The following KMT2E variants were observed in gnomAD, a reference collection of about 807,000 sequenced individuals.
The protein encoded by KMT2E is histone reader KMT2E.
A neutral mutation model predicts 184.6 loss-of-function variants in KMT2E; 30 were observed. The ratio of observed to expected loss-of-function variants is 0.16; its 90% CI spans 0.12 to 0.22. The LOEUF is 0.22. KMT2E is among the 10% of genes least tolerant of loss of function. The pLI, the probability that KMT2E is intolerant of heterozygous loss-of-function variation, is 1.00. For synonymous variants in KMT2E, 815 were observed against 776.5 expected (o/e 1.05, Z -0.82); for missense variants, 2,023 against 2,237.4 (o/e 0.90, Z 1.93).
At chr7:105,080,689 G>A (rs554236598) in intron 12 of KMT2E, among the ~76,000 whole-genome samples, 1 of 152,318 alleles carries the variant, frequency 6.6e-6, no homozygotes, top group Non-Finnish European at 1.5e-5. Flanking sequence ...TAGAAAAGTA[G>A]CGTTTGCTCA....
At chr7:105,017,033 T>A (rs748828102) in intron 1 of KMT2E, among the ~76,000 whole-genome samples, 46 of 152,212 alleles carry the variant, frequency 3.0e-4, no homozygotes, top group Non-Finnish European at 5.7e-4. Context: ...AGTACTCATT[T>A]GTATTTTGAT....
At chr7:105,023,468 G>A (rs1254497912) in intron 1 of KMT2E, among the ~76,000 whole-genome samples, 1 of 138,232 alleles carries the variant, frequency 7.2e-6, no homozygotes, top group African/African-American at 2.8e-5. Context: ...TTTTTGAGAT[G>A]GAGTGTCGCT....
At position 105,109,046 on chromosome 7, in the gene KMT2E, C is replaced by T. The variant is rs1375245473; in HGVS notation, c.3573C>T (p.Ser1191=). 1 of 1,614,054 alleles carries T rather than the reference C, an allele frequency of 6.2e-7. No individual in the cohort carries two copies. The highest frequency in any genetic ancestry group is 1.3e-5 in the African/African-American group (1 of 74,932). Residue 1191 remains serine (S), a synonymous_variant, in exon 23 of 27, where the codon AGC becomes AGT. Transcript: ENST00000311117. The stretch of plus-strand genomic sequence containing the variant: ...GTGTATCACCCCATGCAAGTGGAAG[C>T]TTGAGCAACAATGGTGATGGCTGTG... ...LISVSPHASG[S]LSNNGDGCAS...
chr7:105,084,829 T>C (rs1298968499), intron 13 of KMT2E, among the ~76,000 whole-genome samples: 1 of 152,158 alleles, frequency 6.6e-6, no homozygotes, highest in Non-Finnish European at 1.5e-5. Context: ...GTTATTATAG[T>C]AGTACAGAAT....
intron 3 of KMT2E, among the ~76,000 whole-genome samples, chr7:105,050,479 A>T (rs1460174268): frequency 6.6e-6 from 1 of 152,050 alleles, no homozygotes; most frequent in Non-Finnish European, 1.5e-5. Context: ...GGTTACCCTC[A>T]ATTTTTTATG....
At chr7:105,071,609 T>TATATATATA (rs1491132838) in intron 6 of KMT2E, among the ~76,000 whole-genome samples, 5 of 45,412 alleles carry the variant, frequency 1.1e-4, no homozygotes, top group African/African-American at 2.6e-4. Flanking sequence ...TATATATATA[T>TATATATATA]TTTTTTTTTT....
intron 3 of KMT2E, among the ~76,000 whole-genome samples, chr7:105,050,489 G>A (rs1796283587): frequency 6.6e-6 from 1 of 151,924 alleles, no homozygotes; most frequent in Non-Finnish European, 1.5e-5. Context: ...AATTTTTTAT[G>A]TCCAGTCATA....
At chr7:105,049,443 C>T (rs551628789) in intron 3 of KMT2E, among the ~76,000 whole-genome samples, 1 of 126,824 alleles carries the variant, frequency 7.9e-6, no homozygotes, top group South Asian at 2.5e-4. Context: ...GACCTTGTCT[C>T]AAAAAAAAAA....
intron 14 of KMT2E, 49 bp from the exon 15 acceptor site, chr7:105,091,167 G>A (rs759846334): frequency 2.4e-6 from 2 of 830,846 alleles, no homozygotes; most frequent in African/African-American, 1.7e-5. Context: ...GTCACTAGTT[G>A]TATAGATGGA....
At chr7:105,061,696 C>G (rs886291630) in intron 3 of KMT2E, among the ~76,000 whole-genome samples, 1 of 152,052 alleles carries the variant, frequency 6.6e-6, no homozygotes, top group Non-Finnish European at 1.5e-5. Flanking sequence ...CTTAAGTTTA[C>G]TGACATTTCC....
At chr7:105,092,358 T>C (rs1441132988) in intron 15 of KMT2E, among the ~76,000 whole-genome samples, 1 of 152,100 alleles carries the variant, frequency 6.6e-6, no homozygotes, top group Non-Finnish European at 1.5e-5. Context: ...GCTGAGATCA[T>C]GCCACTGCAC....
At chr7:105,060,264 A>G (rs770375916) in intron 3 of KMT2E, among the ~76,000 whole-genome samples, 4 of 151,978 alleles carry the variant, frequency 2.6e-5, no homozygotes, top group Non-Finnish European at 4.4e-5. Flanking sequence ...AAGTGCTGGG[A>G]TTACAGGTGA....
Position 105,107,185 on chromosome 7 carries a change from G to A in KMT2E, c.2867G>A (p.Ser956Asn). Reference sequence around the variant, plus strand: ...ATACAGAATATTTCTTCCCCAGAAAGTTCTCCAGAAATAAAGAGACGCACT... The same window carrying A: ...ATACAGAATATTTCTTCCCCAGAAAATTCTCCAGAAATAAAGAGACGCACT... ...MHFENISSPE[S>N]SPEIKRRTYS... The change falls in exon 21 of 27, where the codon AGT (serine) becomes AAT (asparagine). Residue 956 changes from serine (S) to asparagine (N), a missense_variant. Around this residue, in one of 8 missense-constraint regions of KMT2E, gnomAD observed 514 missense variants for 621.8 expected, o/e 0.83. Coordinates refer to ENST00000311117, the MANE Select transcript of KMT2E (RefSeq NM_182931.3). 6.5e-7 allele frequency: 1 copy of A among 1,542,136 alleles called. No individual in the cohort carries two copies. Among genetic ancestry groups the A allele is most frequent in the Non-Finnish European group, 8.8e-7 (1 of 1,133,412 alleles).
chr7:105,025,567 A>G (rs1795143755), intron 1 of KMT2E, among the ~76,000 whole-genome samples: 1 of 152,136 alleles, frequency 6.6e-6, no homozygotes, highest in Non-Finnish European at 1.5e-5. Flanking sequence ...TCTTCTTTTA[A>G]AAATACTAAT....
chr7:105,091,587 T>C (rs1200214108), intron 15 of KMT2E: 25 of 525,136 alleles, frequency 4.8e-5, no homozygotes, highest in East Asian at 2.1e-4. Context: ...CACTGAACTA[T>C]TAATAAATTT....
chr7:105,106,040 G>A (rs1049604889), intron 19 of KMT2E, 37 bp downstream of exon 19: 2 of 1,584,006 alleles, frequency 1.3e-6, no homozygotes, highest in Admixed American at 1.8e-5. Context: ...TTTGAGAAAT[G>A]TGGCAGGGCA....
At chr7:105,038,238 T>G (rs1795742934) in intron 2 of KMT2E, 39 bp downstream of exon 2, 2 of 152,268 alleles carry the variant, frequency 1.3e-5, no homozygotes, top group Admixed American at 6.5e-5. Context: ...GGCTGCCATT[T>G]ATTCTCAATG....
In KMT2E at chr7:105,105,498, C is replaced by G. The variant is rs773240562; in HGVS notation, c.2256C>G (p.Gly752=). The G allele has an allele frequency of 8.7e-6, 14 of 1,611,672 alleles. No homozygotes were observed. The highest frequency in any genetic ancestry group is 1.2e-5 in the Non-Finnish European group (14 of 1,179,232). Residue 752 remains glycine (G), a synonymous_variant, in exon 18 of 27, where the codon GGC becomes GGG. Transcript: ENST00000311117. ...AGAAGACAGGAAAACCTTCAGATGGCCTTTCAGAAAGGCCTCTACGCATAA... is the reference window on the plus strand; with the variant it reads ...AGAAGACAGGAAAACCTTCAGATGGGCTTTCAGAAAGGCCTCTACGCATAA... ...KNEKTGKPSD[G]LSERPLRITT...
chr7:105,090,612 A>C (rs1372697219), intron 14 of KMT2E, among the ~76,000 whole-genome samples: 1 of 152,218 alleles, frequency 6.6e-6, no homozygotes, highest in African/African-American at 2.4e-5. Flanking sequence ...TTCTTTAAAC[A>C]TGTGGATGCT....
Sources: gnomAD v4.1 joint callset for allele counts (sites outside exome capture counted in the v4.1 genomes callset) on GRCh38, gnomAD v4.1.1 for gene constraint, gnomAD v4.1.1 regional missense constraint, MANE v1.5 for transcripts, NCBI Gene and HGNC (gene_info 2026-07-23, HGNC 2026-07-21) for gene names.